Variants in DLC1 observed in about 807,000 individuals in gnomAD.
DLC1 encodes DLC1 Rho GTPase activating protein, also known as rho GTPase-activating protein 7.
In DLC1, 54 loss-of-function variants were observed where a neutral mutation model predicts 140.3. The observed-to-expected ratio is 0.38, with a 90% CI of 0.31 to 0.48. The LOEUF (loss-of-function observed/expected upper bound fraction) is 0.48. DLC1 is among the 20% of genes least tolerant of loss of function. The probability of loss-of-function intolerance (pLI) is 0.96; values close to 1 mark genes in which losing one functional copy is unlikely to be tolerated. For missense variants in DLC1, 2,536 were observed against 1,907.0 expected, an observed-to-expected ratio of 1.33 and a Z score of -6.14; for synonymous variants, 986 against 728.1, an observed-to-expected ratio of 1.35 and a Z score of -5.70.
chr8:13,178,513 A>C (rs1046318756), intron 5 of DLC1, among the ~76,000 whole-genome samples: 8 of 151,534 alleles, frequency 5.3e-5, no homozygotes. Context: ...CAGAGCTTGC[A>C]ATGAGCCGAG....
chr8:13,183,828 C>T (rs963425147), intron 5 of DLC1, among the ~76,000 whole-genome samples: 6 of 152,126 alleles, frequency 3.9e-5, no homozygotes, highest in East Asian at 3.9e-4. Flanking sequence ...ATGCTGGCCT[C>T]ATAAAATGAG....
chr8:13,228,836 A>C (rs1471004329), intron 5 of DLC1, among the ~76,000 whole-genome samples: 1 of 152,240 alleles, frequency 6.6e-6, no homozygotes, highest in Admixed American at 6.5e-5. Flanking sequence ...GATGCTCAAC[A>C]TCATCAGCCA....
intron 5 of DLC1, among the ~76,000 whole-genome samples, chr8:13,175,373 A>G (rs1328541497): frequency 1.4e-5 from 2 of 146,450 alleles, no homozygotes; most frequent in Non-Finnish European, 3.0e-5. Context: ...TGAAGTTCTG[A>G]GTAGTTTTTT....
chr8:13,316,060 C>G (rs1028102002), intron 4 of DLC1, among the ~76,000 whole-genome samples: 3 of 152,198 alleles, frequency 2.0e-5, no homozygotes, highest in South Asian at 2.1e-4. Flanking sequence ...ACCAACACCT[C>G]CCTTTCAAGA....
chr8:13,405,033 G>T (rs1487235564), intron 2 of DLC1, among the ~76,000 whole-genome samples: 1 of 151,580 alleles, frequency 6.6e-6, no homozygotes, highest in African/African-American at 2.4e-5. Flanking sequence ...TAAATTTTGT[G>T]TACTTCTGGA....
At chr8:13,172,208 T>C (rs1443825503) in intron 5 of DLC1, among the ~76,000 whole-genome samples, 2 of 152,334 alleles carry the variant, frequency 1.3e-5, no homozygotes, top group East Asian at 3.9e-4. Context: ...TCTGCTAGCC[T>C]TGTATGGGTG....
chr8:13,416,718 A>T (rs768140644), intron 2 of DLC1, among the ~76,000 whole-genome samples: 16 of 152,198 alleles, frequency 1.1e-4, no homozygotes, highest in Non-Finnish European at 2.4e-4. Flanking sequence ...ATATTCTAGT[A>T]TAGTGAATAC....
intron 5 of DLC1, among the ~76,000 whole-genome samples, chr8:13,246,462 G>A (rs550659708): frequency 1.4e-4 from 22 of 152,172 alleles, no homozygotes; most frequent in East Asian, 3.9e-4. Context: ...TTTTTTCTGC[G>A]TAGATTCACT....
chr8:13,508,456 C>T (rs1431876176), intron 1 of DLC1, among the ~76,000 whole-genome samples: 3 of 144,748 alleles, frequency 2.1e-5, no homozygotes, highest in Non-Finnish European at 4.5e-5. Flanking sequence ...CTCGCTCTGT[C>T]GCCCAGGCTG....
intron 1 of DLC1, among the ~76,000 whole-genome samples, chr8:13,563,615 T>A (rs1372312255): frequency 6.6e-6 from 1 of 152,140 alleles, no homozygotes; most frequent in Non-Finnish European, 1.5e-5. Flanking sequence ...GGTAGAATAT[T>A]TTTGAAGGAT....
intron 2 of DLC1, among the ~76,000 whole-genome samples, chr8:13,477,456 G>A (rs1377986961): frequency 2.0e-5 from 3 of 152,190 alleles, no homozygotes; most frequent in Non-Finnish European, 4.4e-5. Context: ...CTATAGTAGT[G>A]AGAGTAGGGC....
At chr8:13,411,291 A>G (rs1227345186) in intron 2 of DLC1, among the ~76,000 whole-genome samples, 1 of 152,192 alleles carries the variant, frequency 6.6e-6, no homozygotes, top group Non-Finnish European at 1.5e-5. Flanking sequence ...GCATATTACT[A>G]AGTGAAAGAA....
At chr8:13,251,071 C>T (rs1308336254) in intron 5 of DLC1, among the ~76,000 whole-genome samples, 2 of 152,186 alleles carry the variant, frequency 1.3e-5, no homozygotes, top group Admixed American at 6.5e-5. Context: ...TGAGGCCTCT[C>T]TCCCTGGCTT....
chr8:13,393,845 T>C, intron 3 of DLC1, 152 bp from the exon 4 acceptor site: 1 of 877,390 alleles, frequency 1.1e-6, no homozygotes. Context: ...GTGTCACACA[T>C]AATCATGCAT....
intron 4 of DLC1, among the ~76,000 whole-genome samples, chr8:13,346,936 T>C (rs1452252191): frequency 6.6e-6 from 1 of 152,236 alleles, no homozygotes; most frequent in Non-Finnish European, 1.5e-5. Flanking sequence ...CTGAAAATAG[T>C]GAGTACAGTC....
At chr8:13,597,723 G>T (rs1288186234) in intron 1 of DLC1, among the ~76,000 whole-genome samples, 1 of 152,044 alleles carries the variant, frequency 6.6e-6, no homozygotes, top group Non-Finnish European at 1.5e-5. Flanking sequence ...TATATTTAAT[G>T]AAGATGTTTT....
At chr8:13,561,813 A>T (rs1041755833) in intron 1 of DLC1, among the ~76,000 whole-genome samples, 8 of 152,230 alleles carry the variant, frequency 5.3e-5, no homozygotes, top group African/African-American at 1.9e-4. Flanking sequence ...ATCCAATTTT[A>T]AAAATGGGTA....
At chr8:13,409,819 C>G (rs10100772) in intron 2 of DLC1, among the ~76,000 whole-genome samples, 70,323 of 151,992 alleles carry the variant, frequency 0.46, 17,495 homozygotes, top group Non-Finnish European at 0.56. Context: ...TGTCAGTATA[C>G]TTGTATAGCT....
chr8:13,468,548 A>G (rs1184330843), intron 2 of DLC1, among the ~76,000 whole-genome samples: 1 of 150,882 alleles, frequency 6.6e-6, no homozygotes, highest in African/African-American at 2.4e-5. Context: ...TAATTTAACA[A>G]ATTTTTTGCA....
Sources: gnomAD v4.1 joint callset for allele counts (sites outside exome capture counted in the v4.1 genomes callset) on GRCh38, gnomAD v4.1.1 for gene constraint, MANE v1.5 for transcripts, NCBI Gene and HGNC (gene_info 2026-07-23, HGNC 2026-07-21) for gene names.